CTNNA2: variants seen among roughly 807,000 people sequenced by gnomAD.
CTNNA2 encodes the protein catenin alpha 2.
In CTNNA2, 42 loss-of-function variants were observed where a neutral mutation model predicts 101.0. That is an observed-to-expected ratio of 0.42 (90% confidence interval 0.32 to 0.54). The LOEUF (loss-of-function observed/expected upper bound fraction) is 0.54, where lower values mean the gene tolerates loss of function less well. Ranked by LOEUF, CTNNA2 falls within the 20% of genes least tolerant of loss-of-function variation. The pLI is 0.14. For synonymous variants in CTNNA2, 450 were observed against 456.4 expected (o/e 0.99, Z 0.18); for missense variants, 871 against 1,223.1 (o/e 0.71, Z 4.29).
chr2:79,524,116 A>G (rs142722572), intron 1 of CTNNA2, among the ~76,000 whole-genome samples: 3 of 152,020 alleles, frequency 2.0e-5, no homozygotes, highest in African/African-American at 7.2e-5. Context: ...CAGGTTATCA[A>G]TTTGAAAACA....
At chr2:79,657,561 A>G (rs1219606621) in intron 2 of CTNNA2, among the ~76,000 whole-genome samples, 4 of 151,884 alleles carry the variant, frequency 2.6e-5, no homozygotes, top group Non-Finnish European at 5.9e-5. Context: ...TATAGAGAAC[A>G]TTAATCATTT....
intron 7 of CTNNA2, among the ~76,000 whole-genome samples, chr2:79,962,686 C>T (rs941212589): frequency 2.0e-5 from 3 of 152,026 alleles, no homozygotes; most frequent in African/African-American, 7.2e-5. Context: ...CTGGTAGGTC[C>T]CTCTTTTAGT....
chr2:79,455,048 A>G (rs1573173682), intron 4 of CTNNA2, among the ~76,000 whole-genome samples: 1 of 152,174 alleles, frequency 6.6e-6, no homozygotes, highest in East Asian at 1.9e-4. Flanking sequence ...TGAGTTAATG[A>G]TAGAAAAGTC....
chr2:79,786,613 T>A (rs1470945248), intron 3 of CTNNA2, among the ~76,000 whole-genome samples: 6 of 152,098 alleles, frequency 3.9e-5, no homozygotes, highest in Admixed American at 3.9e-4. Context: ...TACGTTAGAA[T>A]ACACTAAGAA....
At chr2:80,189,351 T>C (rs912702049) in intron 7 of CTNNA2, among the ~76,000 whole-genome samples, 3 of 152,236 alleles carry the variant, frequency 2.0e-5, no homozygotes, top group African/African-American at 7.2e-5. Context: ...CTGATATTAA[T>C]TGAAGTCAGT....
At chr2:80,349,887 G>A (rs1368393998) in intron 7 of CTNNA2, among the ~76,000 whole-genome samples, 1 of 151,898 alleles carries the variant, frequency 6.6e-6, no homozygotes, top group Admixed American at 6.6e-5. Context: ...TATCTTTTTT[G>A]ATTAAGAAGT....
At chr2:80,560,967 T>C (rs1038893250) in intron 12 of CTNNA2, among the ~76,000 whole-genome samples, 5 of 152,036 alleles carry the variant, frequency 3.3e-5, no homozygotes, top group African/African-American at 1.2e-4. Flanking sequence ...GTAGAAAATA[T>C]GTCTACCAGC....
At chr2:80,043,917 GTGTT>G (rs912157249) in intron 7 of CTNNA2, among the ~76,000 whole-genome samples, 5 of 152,210 alleles carry the variant, frequency 3.3e-5, no homozygotes, top group African/African-American at 9.6e-5. Flanking sequence ...GAGTGTGTGT[GTGTT>G]TGTGCATGTA....
intron 1 of CTNNA2, among the ~76,000 whole-genome samples, chr2:79,602,365 T>A (rs1430644): frequency 0.14 from 20,658 of 151,976 alleles, 2,402 homozygotes; most frequent in African/African-American, 0.32. Context: ...AAAAAAACTC[T>A]AAAACAGTAG....
chr2:79,847,762 G>A (rs1558576691), intron 3 of CTNNA2, among the ~76,000 whole-genome samples: 1 of 152,108 alleles, frequency 6.6e-6, no homozygotes, highest in Non-Finnish European at 1.5e-5. Flanking sequence ...TAAGGAGCAT[G>A]AGGAAATCAA....
intron 3 of CTNNA2, among the ~76,000 whole-genome samples, chr2:79,360,138 T>C (rs184214507): frequency 7.2e-5 from 11 of 152,182 alleles, no homozygotes; most frequent in African/African-American, 2.7e-4. Flanking sequence ...ACAAATATAA[T>C]TAAGCTACTA....
chr2:79,961,411 A>G (rs1325350017), intron 7 of CTNNA2, among the ~76,000 whole-genome samples: 2 of 152,212 alleles, frequency 1.3e-5, no homozygotes, highest in African/African-American at 4.8e-5. Context: ...AGTCAAGTAC[A>G]ATAGAGAGCC....
chr2:79,701,046 G>A (rs181891819), intron 2 of CTNNA2, among the ~76,000 whole-genome samples: 1 of 152,036 alleles, frequency 6.6e-6, no homozygotes, highest in Non-Finnish European at 1.5e-5. Context: ...ACAAAATATA[G>A]GTTCCCACTT....
At chr2:79,817,746 A>G (rs1331782082) in intron 3 of CTNNA2, among the ~76,000 whole-genome samples, 1 of 152,204 alleles carries the variant, frequency 6.6e-6, no homozygotes, top group Admixed American at 6.5e-5. Context: ...GGATGTAAAA[A>G]AGGCAGGAGA....
intron 3 of CTNNA2, among the ~76,000 whole-genome samples, chr2:79,348,958 G>T (rs1677323257): frequency 6.6e-6 from 1 of 152,180 alleles, no homozygotes; most frequent in Admixed American, 6.5e-5. Context: ...GTAGGCCAGA[G>T]AACAAATTGC....
chr2:79,773,274 G>A (rs1397694), intron 3 of CTNNA2, among the ~76,000 whole-genome samples: 1 of 151,946 alleles, frequency 6.6e-6, no homozygotes, highest in African/African-American at 2.4e-5. Context: ...AAGTCTCAAT[G>A]ATTTTAGGAA....
At position 80,556,766 on chromosome 2, in the gene CTNNA2, A is replaced by G. The variant is rs114485125; in HGVS notation, c.1741+873A>G. Among the ~76,000 whole-genome samples, 688 of 152,342 alleles carry G rather than the reference A, an allele frequency of 4.5e-3. 3 individuals are homozygous for G. Among genetic ancestry groups the G allele is most frequent in the African/African-American group, 0.016 (666 of 41,574 alleles). On this transcript the variant is annotated intron_variant, in intron 12 of 18. Coordinates refer to ENST00000402739, the MANE Select transcript of CTNNA2 (RefSeq NM_001282597.3). The stretch of plus-strand genomic sequence containing the variant: ...TGAGAGGAAACTAGGGAATAGAAAA[A>G]GAGAATGTAAGTCCACATTGGATAA...
At chr2:79,588,120 C>A (rs1183690046) in intron 1 of CTNNA2, among the ~76,000 whole-genome samples, 1 of 152,194 alleles carries the variant, frequency 6.6e-6, no homozygotes, top group African/African-American at 2.4e-5. Context: ...CATATTCACA[C>A]ATTTAGTGCC....
intron 1 of CTNNA2, chr2:79,547,705 C>A (rs1673827099): frequency 6.6e-6 from 1 of 152,122 alleles, no homozygotes; most frequent in African/African-American, 2.4e-5. Flanking sequence ...AAAGATTTTC[C>A]AAGTTCAGGA....
Sources: allele counts gnomAD v4.1 joint callset (sites outside exome capture counted in the v4.1 genomes callset), GRCh38; gene constraint gnomAD v4.1.1; transcripts MANE v1.5; gene names NCBI Gene and HGNC (gene_info 2026-07-23, HGNC 2026-07-21).